Variants in RGS6 observed in about 807,000 individuals in gnomAD.
The protein encoded by RGS6 is regulator of G-protein signaling 6.
RGS6 carries 30 observed loss-of-function variants against 78.5 expected under a neutral mutation model. The observed-to-expected ratio is 0.38, with a 90% CI of 0.29 to 0.52. The LOEUF is 0.52. Ranked by LOEUF, RGS6 falls within the 20% of genes least tolerant of loss-of-function variation. The probability of loss-of-function intolerance (pLI) is 0.85; values close to 1 mark genes in which losing one functional copy is unlikely to be tolerated. For synonymous variants in RGS6, 206 were observed against 206.0 expected (o/e 1.00, Z 0.00); for missense variants, 495 against 609.7 (o/e 0.81, Z 1.98).
intron 2 of RGS6, among the ~76,000 whole-genome samples, chr14:72,020,406 T>C (rs1036751284): frequency 2.0e-5 from 3 of 152,260 alleles, no homozygotes; most frequent in Non-Finnish European, 4.4e-5. Context: ...TAGGATGAAC[T>C]GGTTCTGCCT....
intron 1 of RGS6, among the ~76,000 whole-genome samples, chr14:71,962,305 C>A (rs183121488): frequency 3.9e-4 from 59 of 150,754 alleles, no homozygotes; most frequent in African/African-American, 1.3e-3. Flanking sequence ...AGAGGGAGGC[C>A]GGGCAGAGGG....
chr14:72,575,885 C>T, the RGS6 span, among the ~76,000 whole-genome samples: 1 of 152,334 alleles, frequency 6.6e-6, no homozygotes, highest in East Asian at 1.9e-4. Context: ...GATCGACTTG[C>T]TTTCGGCTCC....
At chr14:72,195,550 A>T (rs1189761344) in intron 2 of RGS6, among the ~76,000 whole-genome samples, 1 of 152,230 alleles carries the variant, frequency 6.6e-6, no homozygotes, top group East Asian at 1.9e-4. Flanking sequence ...AGCAAAGGAG[A>T]TGCAGAAGGA....
intron 7 of RGS6, among the ~76,000 whole-genome samples, chr14:72,468,555 T>A (rs550709333): frequency 6.6e-6 from 1 of 152,300 alleles, no homozygotes; most frequent in Non-Finnish European, 1.5e-5. Flanking sequence ...GGAGAGAATA[T>A]AACCTGTGAC....
At chr14:72,504,662 G>A (rs959427158) in intron 13 of RGS6, among the ~76,000 whole-genome samples, 5 of 151,656 alleles carry the variant, frequency 3.3e-5, no homozygotes, top group Admixed American at 6.6e-5. Context: ...CTGAGCCCTC[G>A]CCAGAATATC....
the RGS6 span, among the ~76,000 whole-genome samples, chr14:71,903,769 A>G: frequency 6.6e-6 from 1 of 152,236 alleles, no homozygotes; most frequent in Non-Finnish European, 1.5e-5. Flanking sequence ...GCCAATGCAT[A>G]TATCATATAC....
intron 2 of RGS6, among the ~76,000 whole-genome samples, chr14:72,250,885 G>A (rs72721853): frequency 4.7e-4 from 71 of 152,234 alleles, no homozygotes; most frequent in Non-Finnish European, 9.6e-4. Context: ...CCCTCTGAAG[G>A]TTCAAGTCTG....
chr14:72,073,204 G>C (rs562339026), intron 2 of RGS6, among the ~76,000 whole-genome samples: 1 of 152,162 alleles, frequency 6.6e-6, no homozygotes, highest in Non-Finnish European at 1.5e-5. Flanking sequence ...ATTGTTATGA[G>C]GATTAAAGGG....
intron 2 of RGS6, among the ~76,000 whole-genome samples, chr14:72,039,560 C>T (rs1359534923): frequency 1.3e-5 from 2 of 152,090 alleles, no homozygotes; most frequent in Non-Finnish European, 2.9e-5. Context: ...TCCATTCTTT[C>T]ATTTCAGCTT....
At chr14:72,580,451 A>T in the RGS6 span, among the ~76,000 whole-genome samples, 1 of 152,138 alleles carries the variant, frequency 6.6e-6, no homozygotes, top group African/African-American at 2.4e-5. Context: ...TGGTCCCCAG[A>T]AGTGCACTTT....
At position 72,521,230 on chromosome 14, in the gene RGS6, A is replaced by G. The variant is rs554482577; in HGVS notation, c.1278+2693A>G. On this transcript the variant is annotated intron_variant, in intron 15 of 17. Coordinates refer to ENST00000553525, the MANE Select transcript of RGS6 (RefSeq NM_001204424.2). ...TCCTGACTTTCAAGGGCACTGGATG[A>G]TAGCATAATTACTCATTTGCTTTAT... Among the ~76,000 whole-genome samples, 5 of 152,344 alleles carry G rather than the reference A, an allele frequency of 3.3e-5. No homozygotes were observed. In the East Asian group the frequency reaches 9.6e-4, roughly 29 times the overall value.
At chr14:71,893,291 G>T in the RGS6 span, among the ~76,000 whole-genome samples, 4 of 152,158 alleles carry the variant, frequency 2.6e-5, no homozygotes, top group Non-Finnish European at 5.9e-5. Flanking sequence ...TAAATGTGTG[G>T]ATTTGCTTAA....
intron 2 of RGS6, among the ~76,000 whole-genome samples, chr14:72,338,115 G>A (rs918843066): frequency 2.6e-5 from 4 of 152,214 alleles, no homozygotes; most frequent in Non-Finnish European, 1.5e-5. Flanking sequence ...AGGCAGGAAA[G>A]TCCTGCTGCT....
At chr14:72,277,737 G>A (rs369602387) in intron 2 of RGS6, among the ~76,000 whole-genome samples, 23 of 152,180 alleles carry the variant, frequency 1.5e-4, no homozygotes, top group African/African-American at 5.3e-4. Context: ...AGACCAGCCT[G>A]GTCGACATGG....
chr14:72,030,476 C>T (rs189358627), intron 2 of RGS6, among the ~76,000 whole-genome samples: 29 of 152,264 alleles, frequency 1.9e-4, no homozygotes, highest in Non-Finnish European at 2.6e-4. Flanking sequence ...ATATCATGGA[C>T]ATGGTTGATT....
intron 3 of RGS6, among the ~76,000 whole-genome samples, chr14:72,359,164 C>T (rs907005804): frequency 1.3e-5 from 2 of 152,158 alleles, no homozygotes; most frequent in African/African-American, 4.8e-5. Context: ...TCAATTAAAC[C>T]TCTTTTCTTT....
chr14:72,584,908 G>T, the RGS6 span, among the ~76,000 whole-genome samples: 1 of 152,204 alleles, frequency 6.6e-6, no homozygotes, highest in Non-Finnish European at 1.5e-5. Flanking sequence ...GAGCTGAGCT[G>T]TGTCTGGAGG....
chr14:72,538,389 A>G (rs1319736478), intron 16 of RGS6, among the ~76,000 whole-genome samples: 1 of 152,212 alleles, frequency 6.6e-6, no homozygotes, highest in Non-Finnish European at 1.5e-5. Flanking sequence ...AATATTTTCC[A>G]AATAAATGAT....
intron 2 of RGS6, among the ~76,000 whole-genome samples, chr14:72,059,406 A>G (rs1451115124): frequency 6.6e-6 from 1 of 152,210 alleles, no homozygotes; most frequent in African/African-American, 2.4e-5. Context: ...ATAACTTGTC[A>G]CATGTTCTTT....
Sources: allele counts gnomAD v4.1 joint callset (sites outside exome capture counted in the v4.1 genomes callset), GRCh38; gene constraint gnomAD v4.1.1; transcripts MANE v1.5; gene names NCBI Gene and HGNC (gene_info 2026-07-23, HGNC 2026-07-21).